ERAP1: variants seen among roughly 807,000 people sequenced by gnomAD.
ERAP1 encodes adipocyte-derived leucine aminopeptidase.
In ERAP1, 86 loss-of-function variants were observed where a neutral mutation model predicts 103.7. That is an observed-to-expected ratio of 0.83 (90% CI 0.70 to 0.99). The LOEUF is 0.99. Ranked by LOEUF, ERAP1 falls within the 50% of genes least tolerant of loss-of-function variation. The pLI, the probability that ERAP1 is intolerant of heterozygous loss-of-function variation, is 0.00. For synonymous variants in ERAP1, 398 were observed against 402.4 expected (o/e 0.99, Z 0.13); for missense variants, 1,009 against 1,128.4 (o/e 0.89, Z 1.52).
chr5:96,924,864 C>T, the ERAP1 span, among the ~76,000 whole-genome samples: 1 of 152,162 alleles, frequency 6.6e-6, no homozygotes, highest in Admixed American at 6.5e-5. Flanking sequence ...TCTCAAAGTG[C>T]TGGGATTACA....
upstream of ERAP1, among the ~76,000 whole-genome samples, chr5:96,812,384 A>T (rs181386486): frequency 1.3e-3 from 197 of 152,362 alleles, 1 homozygote; most frequent in African/African-American, 4.4e-3. Flanking sequence ...AGATATTGTC[A>T]ATATGAACAG....
chr5:96,912,864 A>T, the ERAP1 span: 44 of 1,340,208 alleles, frequency 3.3e-5, no homozygotes, highest in Non-Finnish European at 3.1e-5. Context: ...AGTCACTAAA[A>T]CTTCAGCCAC....
At chr5:96,886,539 C>A in the ERAP1 span, 2 of 796,976 alleles carry the variant, frequency 2.5e-6, no homozygotes, top group Admixed American at 3.6e-5. Context: ...CCTAGGAGGT[C>A]ATCGATTGTC....
intron 3 of ERAP1, among the ~76,000 whole-genome samples, chr5:96,800,013 G>T (rs1777804750): frequency 6.6e-6 from 1 of 152,172 alleles, no homozygotes; most frequent in Non-Finnish European, 1.5e-5. Context: ...TTATGATATT[G>T]CTTCCCCGGT....
At chr5:96,922,564 G>T in the ERAP1 span, among the ~76,000 whole-genome samples, 1 of 152,306 alleles carries the variant, frequency 6.6e-6, no homozygotes, top group South Asian at 2.1e-4. Context: ...CTTTCTAGCT[G>T]GCTGGGGGCA....
the ERAP1 span, among the ~76,000 whole-genome samples, chr5:96,921,506 T>G: frequency 6.6e-6 from 1 of 152,242 alleles, no homozygotes; most frequent in Non-Finnish European, 1.5e-5. Flanking sequence ...GTGAGAAATC[T>G]TTAGAAAGTC....
the ERAP1 span, among the ~76,000 whole-genome samples, chr5:96,869,920 C>T: frequency 1.3e-5 from 2 of 152,272 alleles, no homozygotes; most frequent in South Asian, 4.2e-4. Context: ...GACCAACCCT[C>T]CCACTGAAGA....
chr5:96,895,913 A>G, the ERAP1 span, among the ~76,000 whole-genome samples: 1 of 152,340 alleles, frequency 6.6e-6, no homozygotes, highest in Admixed American at 6.5e-5. Context: ...AGTACACTAT[A>G]GACAGACATG....
chr5:96,782,956 TA>T (rs1775430121), intron 15 of ERAP1, 94 bp downstream of exon 15: 6 of 1,307,804 alleles, frequency 4.6e-6, no homozygotes, highest in Non-Finnish European at 6.6e-6. Context: ...GGGAGACACT[TA>T]AACTTTTTGT....
chr5:96,920,306 T>TAAAA, the ERAP1 span, among the ~76,000 whole-genome samples: 2 of 143,080 alleles, frequency 1.4e-5, no homozygotes, highest in African/African-American at 5.2e-5. Flanking sequence ...CCCTGTCATT[T>TAAAA]AAAAAAAAAA....
rs201546669 is a variant in ERAP1, at chr5:96,781,876, G to T, written c.2286-22C>A. The T allele has an allele frequency of 2.8e-4, 449 of 1,612,164 alleles. 1 individual carries two copies. The highest frequency in any genetic ancestry group is 6.6e-4 in the Middle Eastern group (4 of 6,078). On this transcript the variant is annotated intron_variant, in intron 15 of 18. Transcript: ENST00000443439. ...CAGGCTATAGAAAGGAACACACTCG[G>T]TGAGAATCTGAGGTGCAGTAAGTAT...
At chr5:96,909,714 G>A in the ERAP1 span, 2 of 1,614,210 alleles carry the variant, frequency 1.2e-6, no homozygotes, top group Non-Finnish European at 1.7e-6. Flanking sequence ...CTTGCATCCA[G>A]AAAGCTGCTG....
chr5:96,934,458 G>T, the ERAP1 span: 1 of 152,226 alleles, frequency 6.6e-6, no homozygotes, highest in African/African-American at 2.4e-5. Context: ...GGAACTTGGC[G>T]ACTTCCGGGA....
At chr5:96,855,452 G>T in the ERAP1 span, among the ~76,000 whole-genome samples, 9 of 152,216 alleles carry the variant, frequency 5.9e-5, no homozygotes, top group African/African-American at 2.2e-4. Flanking sequence ...TTTTGTAGCA[G>T]AAAAACTTTG....
the ERAP1 span, among the ~76,000 whole-genome samples, chr5:96,927,558 C>T: frequency 6.6e-6 from 1 of 152,100 alleles, no homozygotes; most frequent in Non-Finnish European, 1.5e-5. Flanking sequence ...GCAATCTCGG[C>T]TCACTGCAAG....
chr5:96,788,628 T>C lies in ERAP1; in HGVS notation c.1582A>G (p.Lys528Glu). 1 of 1,614,196 alleles carries C rather than the reference T, an allele frequency of 6.2e-7. No individual in the cohort carries two copies. The change falls in exon 11 of 19, where the codon AAG (lysine) becomes GAG (glutamate). Residue 528 changes from lysine to glutamate, a missense_variant. Transcript: ENST00000443439. ...GTGATGGTTATTAGGGGAAAACCCT[T>C]CTGCAGTGTCCAAGTGTTCATCATG... ...KTMMNTWTLQKGFPLITITVR... is the reference protein window; with the variant it reads ...KTMMNTWTLQEGFPLITITVR...
the ERAP1 span, chr5:96,892,515 C>T: frequency 2.0e-5 from 32 of 1,576,290 alleles, no homozygotes; most frequent in Admixed American, 5.0e-4. Context: ...TAGAACACGA[C>T]CAATCTTCCT....
At chr5:96,784,638 C>A in intron 13 of ERAP1, 1 of 159,774 alleles carries the variant, frequency 6.3e-6, no homozygotes, top group South Asian at 1.8e-4. Flanking sequence ...AGCACATCAG[C>A]ATCTATCCCT....
chr5:96,917,614 T>C, the ERAP1 span: 8 of 1,607,134 alleles, frequency 5.0e-6, no homozygotes, highest in African/African-American at 2.7e-5. Context: ...AAATGGTCAA[T>C]AGAAAAAGTA....
Sources: gnomAD v4.1 joint callset for allele counts (sites outside exome capture counted in the v4.1 genomes callset) on GRCh38, gnomAD v4.1.1 for gene constraint, MANE v1.5 for transcripts, NCBI Gene and HGNC (gene_info 2026-07-23, HGNC 2026-07-21) for gene names.